AFAP1: variants seen among roughly 807,000 people sequenced by gnomAD.
AFAP1 encodes the protein actin filament-associated protein 1.
A neutral mutation model predicts 93.9 loss-of-function variants in AFAP1; 75 were observed. The observed-to-expected ratio is 0.80, with a 90% CI of 0.66 to 0.97. The LOEUF is 0.97. AFAP1 is among the 50% of genes least tolerant of loss of function. AFAP1 has a pLI of 0.00. For missense variants in AFAP1, 1,201 were observed against 1,050.8 expected, an observed-to-expected ratio of 1.14 and a Z score of -1.98; for synonymous variants, 517 against 430.7, an observed-to-expected ratio of 1.20 and a Z score of -2.48.
chr4:7,899,881 T>TAAAA (rs1553853510), intron 1 of AFAP1, among the ~76,000 whole-genome samples: 1 of 151,692 alleles, frequency 6.6e-6, no homozygotes, highest in Non-Finnish European at 1.5e-5. Context: ...AATAAATAAA[T>TAAAA]AAAAAAGGAA....
At chr4:7,798,933 C>G in intron 10 of AFAP1, 3 of 987,128 alleles carry the variant, frequency 3.0e-6, no homozygotes, top group Non-Finnish European at 3.6e-6. Context: ...TCCTTGCAAC[C>G]CTTCTCAGAT....
chr4:7,853,801 C>T (rs1714728356), intron 4 of AFAP1, among the ~76,000 whole-genome samples: 1 of 152,178 alleles, frequency 6.6e-6, no homozygotes. Flanking sequence ...GGAGGGGCGG[C>T]TGTGTCCTGG....
intron 9 of AFAP1, chr4:7,809,407 TC>T (rs1213344602): frequency 4.3e-6 from 2 of 460,436 alleles, no homozygotes; most frequent in African/African-American, 4.0e-5. Context: ...ACCTTAGAGA[TC>T]ATCTAAAAGG....
At chr4:7,880,746 G>C (rs1717792440) in intron 1 of AFAP1, among the ~76,000 whole-genome samples, 1 of 152,204 alleles carries the variant, frequency 6.6e-6, no homozygotes, top group Non-Finnish European at 1.5e-5. Context: ...GGAACTCCAA[G>C]ACTGAGGAGG....
intron 6 of AFAP1, among the ~76,000 whole-genome samples, chr4:7,823,774 T>C (rs1721183515): frequency 6.6e-6 from 1 of 152,204 alleles, no homozygotes; most frequent in Non-Finnish European, 1.5e-5. Context: ...GAACTCACAT[T>C]GCCCCAGGAA....
chr4:7,931,546 A>ATTTTTT (rs376570405), intron 1 of AFAP1, among the ~76,000 whole-genome samples: 6 of 138,110 alleles, frequency 4.3e-5, no homozygotes, highest in African/African-American at 1.3e-4. Context: ...CACGCCCAGC[A>ATTTTTT]TTTTTTTTTT....
At chr4:7,816,169 C>A in intron 7 of AFAP1, 70 bp from the exon 8 acceptor site, 1 of 1,302,446 alleles carries the variant, frequency 7.7e-7, no homozygotes, top group South Asian at 1.3e-5. Context: ...GATGGATCAA[C>A]CAAAAGTTAT....
In AFAP1 at chr4:7,789,329, C is replaced by G. The variant is rs563643697; in HGVS notation, c.1413-3018G>C. 7.9e-5 allele frequency among the ~76,000 whole-genome samples: 12 copies of G among 152,290 alleles called. No homozygotes were observed. In the South Asian group the frequency reaches 2.5e-3, roughly 32 times the overall value. On this transcript the variant is annotated intron_variant, in intron 11 of 17. Transcript: ENST00000420658. ...GTGGAGCTATTTCACAATAACCTCC[C>G]GGGACTCCGAGGAAAGGGTGGCCAA...
chr4:7,898,961 C>T (rs1314192957), intron 1 of AFAP1, among the ~76,000 whole-genome samples: 7 of 148,606 alleles, frequency 4.7e-5, no homozygotes, highest in Non-Finnish European at 1.0e-4. Context: ...TGTATATATA[C>T]ACATTTGTGT....
chr4:7,875,813 T>C (rs1031371437), intron 1 of AFAP1, among the ~76,000 whole-genome samples: 2 of 152,128 alleles, frequency 1.3e-5, no homozygotes, highest in Non-Finnish European at 2.9e-5. Flanking sequence ...GAAAACATTA[T>C]GTTAAAATAG....
At chr4:7,854,643 C>T (rs1469564439) in intron 4 of AFAP1, among the ~76,000 whole-genome samples, 1 of 152,180 alleles carries the variant, frequency 6.6e-6, no homozygotes, top group African/African-American at 2.4e-5. Context: ...CCGGAGACCA[C>T]GCAAAGAAGA....
At chr4:7,937,729 C>T (rs541693653) in intron 1 of AFAP1, among the ~76,000 whole-genome samples, 1 of 152,190 alleles carries the variant, frequency 6.6e-6, no homozygotes, top group Admixed American at 6.5e-5. Context: ...TCAAATGATC[C>T]GCCTGCCTCG....
intron 5 of AFAP1, among the ~76,000 whole-genome samples, chr4:7,842,301 C>CAAAAAAAAAAAAA (rs57050150): frequency 4.2e-5 from 4 of 94,896 alleles, no homozygotes; most frequent in Non-Finnish European, 6.0e-5. Context: ...CCTGGATTTA[C>CAAAAAAAAAAAAA]AAAAAAAAAA....
chr4:7,779,697 C>T (rs575992300), intron 13 of AFAP1, among the ~76,000 whole-genome samples: 2 of 152,144 alleles, frequency 1.3e-5, no homozygotes, highest in African/African-American at 4.8e-5. Flanking sequence ...AGAAGTTGAG[C>T]AAGTTATTTA....
chr4:7,877,099 T>C (rs1717554278), intron 1 of AFAP1, among the ~76,000 whole-genome samples: 2 of 152,330 alleles, frequency 1.3e-5, no homozygotes, highest in South Asian at 4.1e-4. Flanking sequence ...TCTTAAGGTT[T>C]ACTTGGGTTT....
chr4:7,771,337 C>T (rs1481450022), intron 16 of AFAP1, among the ~76,000 whole-genome samples: 1 of 152,024 alleles, frequency 6.6e-6, no homozygotes, highest in Admixed American at 6.6e-5. Flanking sequence ...ACAGCATATG[C>T]ATATGTGTGT....
intron 10 of AFAP1, chr4:7,799,169 G>A (rs749045150): frequency 2.4e-6 from 2 of 833,480 alleles, no homozygotes; most frequent in Non-Finnish European, 2.9e-6. Context: ...ACAGAGCTGA[G>A]ACTGGAACCC....
At chr4:7,884,591 T>G (rs1718038057) in intron 1 of AFAP1, among the ~76,000 whole-genome samples, 2 of 151,824 alleles carry the variant, frequency 1.3e-5, no homozygotes, top group African/African-American at 4.8e-5. Flanking sequence ...ATAAGAAAAA[T>G]TGTCACCTTA....
At chr4:7,910,761 T>C (rs1013109864) in intron 1 of AFAP1, among the ~76,000 whole-genome samples, 1 of 152,366 alleles carries the variant, frequency 6.6e-6, no homozygotes, top group African/African-American at 2.4e-5. Flanking sequence ...ACATGTGCTA[T>C]GATGCTGTCT....
Sources: gnomAD v4.1 joint callset for allele counts (sites outside exome capture counted in the v4.1 genomes callset) on GRCh38, gnomAD v4.1.1 for gene constraint, MANE v1.5 for transcripts, NCBI Gene and HGNC (gene_info 2026-07-23, HGNC 2026-07-21) for gene names.